The following EYS variants were observed in gnomAD, a reference collection of about 807,000 sequenced individuals.
EYS encodes EGF-like photoreceptor maintenance factor.
A neutral mutation model predicts 282.1 loss-of-function variants in EYS; 250 were observed. The observed-to-expected ratio is 0.89, with a 90% CI of 0.80 to 0.98. EYS has a LOEUF of 0.98. Ranked by LOEUF, EYS falls within the 50% of genes least tolerant of loss-of-function variation. The pLI, the probability that EYS is intolerant of heterozygous loss-of-function variation, is 0.00. For synonymous variants in EYS, 1,355 were observed against 1,282.9 expected, an observed-to-expected ratio of 1.06 and a Z score of -1.20; for missense variants, 4,016 against 3,709.0, an observed-to-expected ratio of 1.08 and a Z score of -2.15.
At chr6:64,577,979 G>C (rs757408453) in intron 26 of EYS, among the ~76,000 whole-genome samples, 13 of 151,994 alleles carry the variant, frequency 8.6e-5, no homozygotes, top group Non-Finnish European at 1.9e-4. Context: ...AAATTACATT[G>C]ACTCAACCTT....
intron 14 of EYS, among the ~76,000 whole-genome samples, chr6:64,994,496 G>A (rs774228612): frequency 1.3e-5 from 2 of 152,038 alleles, no homozygotes; most frequent in Non-Finnish European, 2.9e-5. Flanking sequence ...CAACAAGCAG[G>A]CCGGTGACTC....
intron 26 of EYS, among the ~76,000 whole-genome samples, chr6:64,514,034 T>A (rs1355561833): frequency 6.6e-6 from 1 of 151,736 alleles, no homozygotes; most frequent in Admixed American, 6.6e-5. Flanking sequence ...ATAATTACGA[T>A]GCCTTTTAAT....
chr6:64,392,934 G>A (rs1214280806), intron 28 of EYS, among the ~76,000 whole-genome samples: 1 of 151,968 alleles, frequency 6.6e-6, no homozygotes. Context: ...AATAAAAAAT[G>A]ATAAAGGGGA....
At chr6:64,455,029 A>G (rs1460592118) in intron 26 of EYS, among the ~76,000 whole-genome samples, 3 of 152,132 alleles carry the variant, frequency 2.0e-5, no homozygotes, top group Non-Finnish European at 4.4e-5. Context: ...TAGACATGCA[A>G]TTCATTTACA....
chr6:65,416,291 C>T (rs901467523), intron 5 of EYS, among the ~76,000 whole-genome samples: 1 of 151,742 alleles, frequency 6.6e-6, no homozygotes, highest in Non-Finnish European at 1.5e-5. Flanking sequence ...GTACATTTTT[C>T]ATAGTAATAG....
chr6:65,672,152 CA>C (rs1417816060), intron 1 of EYS, among the ~76,000 whole-genome samples: 2 of 152,042 alleles, frequency 1.3e-5, no homozygotes, highest in East Asian at 1.9e-4. Flanking sequence ...GTTTGTCCCT[CA>C]GGGGGAAAAG....
intron 33 of EYS, among the ~76,000 whole-genome samples, chr6:64,057,693 A>G (rs1771032657): frequency 6.6e-6 from 1 of 152,180 alleles, no homozygotes; most frequent in Non-Finnish European, 1.5e-5. Context: ...GTAATTATAA[A>G]CCACTAATAA....
At chr6:64,057,948 C>T (rs1185998995) in intron 33 of EYS, among the ~76,000 whole-genome samples, 1 of 152,108 alleles carries the variant, frequency 6.6e-6, no homozygotes, top group African/African-American at 2.4e-5. Context: ...CCTCCCACTG[C>T]AGTCTCCAAA....
intron 31 of EYS, among the ~76,000 whole-genome samples, chr6:64,126,002 T>C (rs1027623114): frequency 2.6e-5 from 4 of 152,106 alleles, no homozygotes; most frequent in African/African-American, 9.6e-5. Flanking sequence ...TGTGCCATGT[T>C]GCACAACAGG....
chr6:65,402,190 T>C (rs1022364011), intron 7 of EYS, among the ~76,000 whole-genome samples: 1 of 151,804 alleles, frequency 6.6e-6, no homozygotes, highest in African/African-American at 2.4e-5. Context: ...AGATCTTCAA[T>C]TATTATTTGA....
intron 14 of EYS, among the ~76,000 whole-genome samples, chr6:64,989,981 T>C (rs893308868): frequency 2.0e-5 from 3 of 151,180 alleles, no homozygotes; most frequent in African/African-American, 4.8e-5. Context: ...TCTCTATTTG[T>C]GTAGGTACAC....
chr6:64,409,866 T>C (rs1773829635), intron 28 of EYS, among the ~76,000 whole-genome samples: 1 of 152,136 alleles, frequency 6.6e-6, no homozygotes, highest in African/African-American at 2.4e-5. Flanking sequence ...AGACATGTAC[T>C]ATGAAAGTGC....
intron 2 of EYS, among the ~76,000 whole-genome samples, chr6:65,620,832 G>C (rs1481609215): frequency 6.6e-6 from 1 of 152,086 alleles, no homozygotes; most frequent in Non-Finnish European, 1.5e-5. Flanking sequence ...TTCAGGATCA[G>C]GTTGTTCAGT....
chr6:64,039,600 G>A (rs2149836164), intron 33 of EYS, among the ~76,000 whole-genome samples: 1 of 152,132 alleles, frequency 6.6e-6, no homozygotes, highest in South Asian at 2.1e-4. Context: ...TTACTAACTG[G>A]AATAAAATAT....
chr6:64,361,777 T>C (rs1470020587), intron 29 of EYS, among the ~76,000 whole-genome samples: 4 of 151,740 alleles, frequency 2.6e-5, no homozygotes, highest in Admixed American at 6.6e-5. Flanking sequence ...ATTGTTTCAA[T>C]GTGAGAGTTA....
At chr6:65,310,227 C>T (rs9363343) in intron 11 of EYS, among the ~76,000 whole-genome samples, 82,798 of 151,778 alleles carry the variant, frequency 0.55, 24,350 homozygotes, top group East Asian at 0.9. Context: ...GCCTGTAATC[C>T]CAGCTACTCG....
chr6:64,410,523 T>A (rs143935455), intron 28 of EYS, among the ~76,000 whole-genome samples: 271 of 152,258 alleles, frequency 1.8e-3, no homozygotes, highest in African/African-American at 6.3e-3. Flanking sequence ...ACAATCTTAG[T>A]TGGATTTAAA....
intron 30 of EYS, among the ~76,000 whole-genome samples, chr6:64,263,359 C>A (rs1767651778): frequency 6.6e-6 from 1 of 151,970 alleles, no homozygotes; most frequent in South Asian, 2.1e-4. Context: ...GAAATCTTTT[C>A]TTATCTTACC....
chr6:64,360,743 C>G (rs547695199), intron 29 of EYS, among the ~76,000 whole-genome samples: 4 of 151,626 alleles, frequency 2.6e-5, no homozygotes, highest in Admixed American at 6.6e-5. Context: ...TGCAGTTGGG[C>G]CTGCTGAATG....
Sources: gnomAD v4.1 joint callset for allele counts (sites outside exome capture counted in the v4.1 genomes callset) on GRCh38, gnomAD v4.1.1 for gene constraint, MANE v1.5 for transcripts, NCBI Gene and HGNC (gene_info 2026-07-23, HGNC 2026-07-21) for gene names.